The following GALNT14 variants were observed in gnomAD, a reference collection of about 807,000 sequenced individuals.
GALNT14 encodes polypeptide N-acetylgalactosaminyltransferase 14.
In GALNT14, 60 loss-of-function variants were observed where a neutral mutation model predicts 77.5. The ratio of observed to expected loss-of-function variants is 0.77; its 90% CI spans 0.63 to 0.96. GALNT14 has a LOEUF of 0.96. GALNT14 is among the 40% of genes least tolerant of loss of function. The pLI is 0.00. For missense variants in GALNT14, 710 were observed against 731.0 expected, an observed-to-expected ratio of 0.97 and a Z score of 0.33; for synonymous variants, 280 against 281.7, an observed-to-expected ratio of 0.99 and a Z score of 0.06.
intron 1 of GALNT14, among the ~76,000 whole-genome samples, chr2:31,132,166 C>T (rs776405385): frequency 3.3e-5 from 5 of 152,102 alleles, no homozygotes; most frequent in African/African-American, 4.8e-5. Flanking sequence ...ACAGCACATC[C>T]GCCACTGACT....
At chr2:31,013,853 C>T (rs1423710213) in intron 1 of GALNT14, among the ~76,000 whole-genome samples, 2 of 152,058 alleles carry the variant, frequency 1.3e-5, no homozygotes, top group Non-Finnish European at 1.5e-5. Context: ...AATTACAAAA[C>T]TAAAAGTAAA....
chr2:31,019,582 T>C (rs1273266341), intron 1 of GALNT14, among the ~76,000 whole-genome samples: 1 of 152,116 alleles, frequency 6.6e-6, no homozygotes, highest in African/African-American at 2.4e-5. Context: ...CCTACAGTCA[T>C]GAGGATGATG....
chr2:31,082,328 C>T (rs114476623), intron 1 of GALNT14, among the ~76,000 whole-genome samples: 3,491 of 152,364 alleles, frequency 0.023, 120 homozygotes, highest in African/African-American at 0.073. Context: ...TCTCCACAAA[C>T]AGTTCAAGTG....
At chr2:31,008,881 G>A (rs376716940) in intron 1 of GALNT14, among the ~76,000 whole-genome samples, 8 of 152,170 alleles carry the variant, frequency 5.3e-5, no homozygotes, top group South Asian at 2.1e-4. Context: ...CTCCCTGCAC[G>A]GGTGGCCGGG....
intron 1 of GALNT14, among the ~76,000 whole-genome samples, chr2:31,067,717 C>T (rs763558626): frequency 2.0e-5 from 3 of 152,200 alleles, no homozygotes; most frequent in Non-Finnish European, 4.4e-5. Context: ...CACTTCCATA[C>T]AGCGCTCTGC....
At chr2:30,947,350 T>C (rs768908868) in intron 6 of GALNT14, among the ~76,000 whole-genome samples, 1 of 152,206 alleles carries the variant, frequency 6.6e-6, no homozygotes, top group Non-Finnish European at 1.5e-5. Context: ...CTTTCCAGCC[T>C]CATTACTTGC....
chr2:30,953,708 G>C (rs1049008318), intron 6 of GALNT14, among the ~76,000 whole-genome samples: 15 of 152,158 alleles, frequency 9.9e-5, no homozygotes, highest in African/African-American at 2.9e-4. Context: ...TGTGGCACCA[G>C]TGCACAAAGA....
chr2:30,954,717 T>C (rs1051467323), intron 6 of GALNT14, among the ~76,000 whole-genome samples: 1 of 152,334 alleles, frequency 6.6e-6, no homozygotes, highest in Non-Finnish European at 1.5e-5. Context: ...GGAGCTACCA[T>C]GAAGAGTGAG....
At chr2:31,083,706 G>T (rs1676269885) in intron 1 of GALNT14, among the ~76,000 whole-genome samples, 1 of 152,182 alleles carries the variant, frequency 6.6e-6, no homozygotes, top group South Asian at 2.1e-4. Flanking sequence ...TGTCTTTGTG[G>T]AAAGGTGTAG....
intron 1 of GALNT14, among the ~76,000 whole-genome samples, chr2:31,031,454 C>A (rs1474772074): frequency 2.0e-5 from 3 of 152,082 alleles, no homozygotes; most frequent in South Asian, 4.1e-4. Flanking sequence ...GATATCTAGG[C>A]TCACTAAGAT....
intron 2 of GALNT14, among the ~76,000 whole-genome samples, chr2:30,985,005 A>G (rs1669207827): frequency 6.6e-6 from 1 of 152,154 alleles, no homozygotes; most frequent in Non-Finnish European, 1.5e-5. Flanking sequence ...AGCATCAGGA[A>G]TTGGTCTCAT....
chr2:31,032,216 G>A (rs1672459643), intron 1 of GALNT14, among the ~76,000 whole-genome samples: 2 of 152,222 alleles, frequency 1.3e-5, no homozygotes, highest in African/African-American at 2.4e-5. Context: ...TTTTTCTCCA[G>A]TGGTCCTTTG....
At chr2:30,968,789 A>G (rs1668165884) in intron 2 of GALNT14, among the ~76,000 whole-genome samples, 1 of 152,230 alleles carries the variant, frequency 6.6e-6, no homozygotes, top group Non-Finnish European at 1.5e-5. Context: ...ATCAGGAGTG[A>G]TTTGTTGTAC....
intron 1 of GALNT14, among the ~76,000 whole-genome samples, chr2:31,123,042 C>G (rs1352728007): frequency 6.6e-6 from 1 of 151,846 alleles, no homozygotes; most frequent in Non-Finnish European, 1.5e-5. Context: ...ATTAGCCGGG[C>G]GGGGTGACGG....
chr2:31,087,787 T>C (rs1016320585), intron 1 of GALNT14, among the ~76,000 whole-genome samples: 5 of 152,232 alleles, frequency 3.3e-5, no homozygotes, highest in African/African-American at 1.2e-4. Flanking sequence ...GACTGAAGGT[T>C]TGTGTCCCCT....
intron 1 of GALNT14, among the ~76,000 whole-genome samples, chr2:31,043,930 G>T (rs12616294): frequency 7.5e-6 from 1 of 133,940 alleles, no homozygotes; most frequent in African/African-American, 2.7e-5. Flanking sequence ...ACCAGGGAAT[G>T]GCCCTGCAGT....
chr2:31,124,718 T>C (rs1678612908), intron 1 of GALNT14, among the ~76,000 whole-genome samples: 1 of 152,156 alleles, frequency 6.6e-6, no homozygotes, highest in Non-Finnish European at 1.5e-5. Context: ...AGGCACTGTT[T>C]AAAGAGAAAG....
At chr2:30,957,785 T>A (rs944015149) in intron 4 of GALNT14, among the ~76,000 whole-genome samples, 2 of 152,146 alleles carry the variant, frequency 1.3e-5, no homozygotes, top group African/African-American at 4.8e-5. Context: ...AGGAAGAGGG[T>A]GTTCTGCTTG....
intron 1 of GALNT14, among the ~76,000 whole-genome samples, chr2:31,027,125 T>C (rs1672108267): frequency 6.6e-6 from 1 of 152,216 alleles, no homozygotes; most frequent in Non-Finnish European, 1.5e-5. Context: ...CACAGGCCCT[T>C]GCATGAGTGT....
Sources: gnomAD v4.1 joint callset for allele counts (sites outside exome capture counted in the v4.1 genomes callset) on GRCh38, gnomAD v4.1.1 for gene constraint, MANE v1.5 for transcripts, NCBI Gene and HGNC (gene_info 2026-07-23, HGNC 2026-07-21) for gene names.